Variants in CFAP46 observed in about 807,000 individuals in gnomAD.
CFAP46 encodes cilia- and flagella-associated protein 46.
A neutral mutation model predicts 325.7 loss-of-function variants in CFAP46; 245 were observed. That is an observed-to-expected ratio of 0.75 (90% CI 0.68 to 0.84). The LOEUF (loss-of-function observed/expected upper bound fraction) is 0.84. Ranked by LOEUF, CFAP46 falls within the 40% of genes least tolerant of loss-of-function variation. CFAP46 has a pLI of 0.00. For missense variants in CFAP46, 3,346 were observed against 3,543.0 expected (o/e 0.94, Z 1.41); for synonymous variants, 1,523 against 1,495.9 (o/e 1.02, Z -0.42).
intron 50 of CFAP46, among the ~76,000 whole-genome samples, chr10:132,824,175 A>G (rs1341558738): frequency 1.7e-5 from 1 of 60,454 alleles, no homozygotes; most frequent in Admixed American, 2.2e-4. Context: ...GTGCTGTGTG[A>G]GCGCTGATGT....
At chr10:132,930,519 AC>A (rs1220330859) in intron 8 of CFAP46, among the ~76,000 whole-genome samples, 2 of 111,034 alleles carry the variant, frequency 1.8e-5, no homozygotes, top group Non-Finnish European at 3.6e-5. Context: ...CCTCCTCCCC[AC>A]ACAGAGCCTG....
chr10:132,810,348 C>T, intron 57 of CFAP46, 61 bp downstream of exon 57: 1 of 1,425,448 alleles, frequency 7.0e-7, no homozygotes, highest in Non-Finnish European at 9.9e-7. Context: ...TGCACGTGCC[C>T]CATGGGCAGT....
At chr10:132,931,418 C>T (rs1272172937) in intron 8 of CFAP46, among the ~76,000 whole-genome samples, 2 of 143,734 alleles carry the variant, frequency 1.4e-5, no homozygotes, top group African/African-American at 5.2e-5. Context: ...AGAGCCTGGG[C>T]CTCCCCACAC....
intron 39 of CFAP46, among the ~76,000 whole-genome samples, 159 bp from the exon 40 acceptor site, chr10:132,851,464 G>A (rs1337501948): frequency 2.0e-5 from 3 of 152,166 alleles, no homozygotes; most frequent in South Asian, 2.1e-4. Context: ...GAATACACCC[G>A]TGAAACCATC....
At chr10:132,821,221 G>GC (rs1847810348) in intron 50 of CFAP46, among the ~76,000 whole-genome samples, 1 of 134,538 alleles carries the variant, frequency 7.4e-6, no homozygotes, top group South Asian at 2.5e-4. Context: ...GCTGTGTGCT[G>GC]TGTGTGTGCT....
Position 132,912,642 on chromosome 10 carries a change from A to G in CFAP46, c.2499+13T>C. 6.6e-7 allele frequency: 1 copy of G among 1,511,566 alleles called. No homozygotes were observed. Among genetic ancestry groups the G allele is most frequent in the Non-Finnish European group, 8.9e-7 (1 of 1,127,232 alleles). 93.6% of individuals were successfully genotyped at this position (1,511,566 alleles called of 1,614,324 possible). ...CTCTCTCTCTCTCTCTCTCGGCATC[A>G]TGGAGGTGGTACCTCCACCGCTGTT... On this transcript the variant is annotated intron_variant, in intron 19 of 57. Transcript: ENST00000368586.
At chr10:132,927,849 G>A (rs994619417) in intron 9 of CFAP46, among the ~76,000 whole-genome samples, 1 of 152,230 alleles carries the variant, frequency 6.6e-6, no homozygotes, top group African/African-American at 2.4e-5. Flanking sequence ...AATCTCGTGA[G>A]ATCCTGAATG....
chr10:132,827,135 G>A lies in CFAP46; in HGVS notation c.7117+6223C>T, dbSNP rs1205525249. ...CACTCCCACCCTCTCCACAGCCTGA[G>A]CCCCACCCAGTCCTGGGCCACTGAG... On this transcript the variant is annotated intron_variant, in intron 50 of 57. Coordinates refer to ENST00000368586, the MANE Select transcript of CFAP46 (RefSeq NM_001200049.3). This position sits in a 1 kb window ranked among gnomAD's most constrained non-coding sequence, Gnocchi z 5.7. Among the ~76,000 whole-genome samples, 3 of 152,100 alleles carry A rather than the reference G, an allele frequency of 2.0e-5. No homozygotes were observed. The highest frequency in any genetic ancestry group is 2.9e-5 in the Non-Finnish European group (2 of 68,008).
intron 9 of CFAP46, chr10:132,929,292 A>T (rs948552214): frequency 1.7e-6 from 1 of 596,102 alleles, no homozygotes; most frequent in Non-Finnish European, 3.0e-6. Context: ...GAATAGCTTA[A>T]TATTTTCATA....
At chr10:132,824,249 ATGTGTGC>A (rs1847978271) in intron 50 of CFAP46, among the ~76,000 whole-genome samples, 2 of 109,692 alleles carry the variant, frequency 1.8e-5, no homozygotes, top group Admixed American at 1.1e-4. Context: ...GTGAGTGCTG[ATGTGTGC>A]TGTGTGCTGA....
chr10:132,908,293 A>C, intron 22 of CFAP46, 175 bp downstream of exon 22: 1 of 683,510 alleles, frequency 1.5e-6, no homozygotes, highest in Non-Finnish European at 2.4e-6. Context: ...CGTTTTGGGG[A>C]CCTGGTGGGG....
At chr10:132,908,914 C>T (rs1022066398) in intron 21 of CFAP46, among the ~76,000 whole-genome samples, 4 of 152,208 alleles carry the variant, frequency 2.6e-5, no homozygotes. Context: ...ATGGAGGGTC[C>T]GCTCAAACAG....
chr10:132,910,177 T>C, intron 19 of CFAP46, 109 bp from the exon 20 acceptor site: 1 of 1,127,462 alleles, frequency 8.9e-7, no homozygotes, highest in Non-Finnish European at 1.2e-6. Context: ...ATCCAGCCCG[T>C]GAAGGGCCTT....
chr10:132,835,479 G>A (rs1187107161), intron 46 of CFAP46, 45 bp from the exon 47 acceptor site: 6 of 1,610,718 alleles, frequency 3.7e-6, no homozygotes, highest in African/African-American at 1.3e-5. Context: ...CAGGGCTGAG[G>A]ATGGCAGCTG....
Position 132,889,953 on chromosome 10 carries a change from T to C in CFAP46, c.3304+2380A>G, listed in dbSNP as rs1339362224. 2.6e-5 allele frequency among the ~76,000 whole-genome samples: 4 copies of C among 152,226 alleles called. No homozygotes were observed. The highest frequency in any genetic ancestry group is 4.4e-5 in the Non-Finnish European group (3 of 68,046). ...TTCACTTCTTACTGTTCTGCACTTA[T>C]CAGGATTCAGGAGCGTACATTTTCG... On this transcript the variant is annotated intron_variant, in intron 25 of 57. Coordinates refer to ENST00000368586, the MANE Select transcript of CFAP46 (RefSeq NM_001200049.3). This position sits in a 1 kb window ranked among gnomAD's most constrained non-coding sequence, Gnocchi z 6.0.
At chr10:132,937,435 T>C (rs1193132436) in intron 6 of CFAP46, 117 bp downstream of exon 6, 2 of 1,183,386 alleles carry the variant, frequency 1.7e-6, no homozygotes, top group African/African-American at 3.0e-5. Context: ...TTCATGTATG[T>C]ATGCATATAG....
chr10:132,909,841 C>T, intron 20 of CFAP46, 78 bp downstream of exon 20: 1 of 1,323,388 alleles, frequency 7.6e-7, no homozygotes, highest in East Asian at 3.0e-5. Flanking sequence ...TCCCGGGGGC[C>T]CCACCACCCC....
chr10:132,848,257 C>T (rs1257117879), intron 41 of CFAP46, among the ~76,000 whole-genome samples: 1 of 152,084 alleles, frequency 6.6e-6, no homozygotes, highest in African/African-American at 2.4e-5. Flanking sequence ...CAAGAAATTG[C>T]AATGGAATTT....
chr10:132,879,120 AGGGAGGACC>A (rs1849000611), intron 29 of CFAP46, among the ~76,000 whole-genome samples: 2 of 152,284 alleles, frequency 1.3e-5, no homozygotes, highest in Admixed American at 1.3e-4. Context: ...GGCGGGTGTC[AGGGAGGACC>A]GGCTGATCTG....
Sources: gnomAD v4.1 joint callset for allele counts (sites outside exome capture counted in the v4.1 genomes callset) on GRCh38, gnomAD v4.1.1 for gene constraint, Gnocchi (gnomAD v3.1) non-coding constraint, MANE v1.5 for transcripts, NCBI Gene and HGNC (gene_info 2026-07-23, HGNC 2026-07-21) for gene names.